RETREG1: variants seen among roughly 807,000 people sequenced by gnomAD.
RETREG1 encodes family with sequence similarity 134 member B.
In RETREG1, 44 loss-of-function variants were observed where a neutral mutation model predicts 54.8. The ratio of observed to expected loss-of-function variants is 0.80; its 90% CI spans 0.63 to 1.03. The LOEUF (loss-of-function observed/expected upper bound fraction) is 1.03, where lower values mean the gene tolerates loss of function less well. Ranked by LOEUF, RETREG1 falls within the 50% of genes least tolerant of loss-of-function variation. The probability of loss-of-function intolerance (pLI) is 0.00; values close to 1 mark genes in which losing one functional copy is unlikely to be tolerated. For missense variants in RETREG1, 554 were observed against 605.1 expected, an observed-to-expected ratio of 0.92 and a Z score of 0.89; for synonymous variants, 217 against 238.5, an observed-to-expected ratio of 0.91 and a Z score of 0.83.
chr5:16,553,451 GT>G (rs1579677565), intron 3 of RETREG1, among the ~76,000 whole-genome samples: 1 of 151,558 alleles, frequency 6.6e-6, no homozygotes, highest in African/African-American at 2.4e-5. Flanking sequence ...TTCATACTTG[GT>G]TTAAATATAT....
chr5:16,582,763 C>T lies in RETREG1; in HGVS notation c.321-10661G>A, dbSNP rs140315720. ...TTTCCTATCAAATTCCAGGCTTTGA[C>T]GAATATCAAAATTAGTCTGCACTGG... On this transcript the variant is annotated intron_variant, in intron 1 of 8. Coordinates refer to ENST00000306320, the MANE Select transcript of RETREG1 (RefSeq NM_001034850.3). 1.1e-4 allele frequency among the ~76,000 whole-genome samples: 17 copies of T among 152,196 alleles called. No homozygotes were observed. The East Asian group carries it at 2.9e-3, about 26-fold the overall frequency.
intron 1 of RETREG1, among the ~76,000 whole-genome samples, chr5:16,601,436 G>A (rs573050023): frequency 2.4e-4 from 35 of 148,282 alleles, no homozygotes; most frequent in Admixed American, 2.0e-3. Context: ...TTGCTGTGTC[G>A]CCCAGGCTGG....
At position 16,528,545 on chromosome 5, in the gene RETREG1, C is replaced by T. The variant is rs560943704; in HGVS notation, c.458+37218G>A. 1.1e-4 allele frequency among the ~76,000 whole-genome samples: 17 copies of T among 152,152 alleles called. No homozygotes were observed. The South Asian group carries it at 1.9e-3, about 17-fold the overall frequency. ...CAGGAGCAAAAGAAAGATTAGGGGG[C>T]CAAGGAGGAGTGAGACCTGTCCCAG... On this transcript the variant is annotated intron_variant, in intron 3 of 8. Transcript: ENST00000306320.
At chr5:16,521,539 C>T (rs1561102511) in intron 3 of RETREG1, among the ~76,000 whole-genome samples, 1 of 152,198 alleles carries the variant, frequency 6.6e-6, no homozygotes, top group Non-Finnish European at 1.5e-5. Flanking sequence ...TGGCTCAAGT[C>T]TCACTGCTCT....
chr5:16,533,700 A>G (rs1740978844), intron 3 of RETREG1, among the ~76,000 whole-genome samples: 1 of 152,166 alleles, frequency 6.6e-6, no homozygotes, highest in Non-Finnish European at 1.5e-5. Flanking sequence ...CAAGCAGAAA[A>G]GGAATTCACA....
chr5:16,494,341 A>T (rs1739365348), intron 3 of RETREG1, among the ~76,000 whole-genome samples: 1 of 152,204 alleles, frequency 6.6e-6, no homozygotes, highest in African/African-American at 2.4e-5. Flanking sequence ...TAGAAAGTTA[A>T]TGACATGGTT....
At position 16,550,142 on chromosome 5, in the gene RETREG1, C is replaced by A. The variant is rs530129676; in HGVS notation, c.458+15621G>T. 2.6e-3 allele frequency among the ~76,000 whole-genome samples: 394 copies of A among 152,176 alleles called. 1 individual carries two copies. The highest frequency in any genetic ancestry group is 9.3e-3 in the African/African-American group (385 of 41,510). ...AGCACGTGAGTAATAATGCAATACA[C>A]CCCAGTGAGGATACTACACCATGAC... On this transcript the variant is annotated intron_variant, in intron 3 of 8. Coordinates refer to ENST00000306320, the MANE Select transcript of RETREG1 (RefSeq NM_001034850.3).
chr5:16,529,647 T>C (rs1326433720), intron 3 of RETREG1, among the ~76,000 whole-genome samples: 1 of 151,086 alleles, frequency 6.6e-6, no homozygotes, highest in Non-Finnish European at 1.5e-5. Flanking sequence ...CACACCGGGG[T>C]GACTTTGCGT....
chr5:16,518,916 G>A (rs540875616), intron 3 of RETREG1, among the ~76,000 whole-genome samples: 2 of 152,130 alleles, frequency 1.3e-5, no homozygotes, highest in African/African-American at 2.4e-5. Context: ...TTTGTTGCCC[G>A]TGAAAATTCA....
At chr5:16,605,754 C>T (rs1206350399) in intron 1 of RETREG1, among the ~76,000 whole-genome samples, 2 of 152,342 alleles carry the variant, frequency 1.3e-5, no homozygotes, top group African/African-American at 2.4e-5. Flanking sequence ...GGCTCACTCT[C>T]TGCTTTGCAG....
At chr5:16,478,524 C>T (rs953376597) in intron 6 of RETREG1, among the ~76,000 whole-genome samples, 5 of 152,098 alleles carry the variant, frequency 3.3e-5, no homozygotes, top group African/African-American at 9.7e-5. Flanking sequence ...ATTATATTGG[C>T]TTTTCCTGTA....
In RETREG1 at chr5:16,479,290, A is replaced by G. The variant is rs969253414; in HGVS notation, c.671-303T>C. Among the ~76,000 whole-genome samples, 35 of 152,202 alleles carry G rather than the reference A, an allele frequency of 2.3e-4. 1 individual carries two copies. Among genetic ancestry groups the G allele is most frequent in the African/African-American group, 8.2e-4 (34 of 41,528 alleles). On this transcript the variant is annotated intron_variant, in intron 5 of 8. Coordinates refer to ENST00000306320, the MANE Select transcript of RETREG1 (RefSeq NM_001034850.3). ...CACACACATGCATACCCACACTTACACAATGCTCACAGTCATTGTTTCCAG... is the reference window on the plus strand; with the variant it reads ...CACACACATGCATACCCACACTTACGCAATGCTCACAGTCATTGTTTCCAG...
intron 8 of RETREG1, among the ~76,000 whole-genome samples, chr5:16,476,190 T>C (rs1738530363): frequency 6.6e-6 from 1 of 152,112 alleles, no homozygotes; most frequent in African/African-American, 2.4e-5. Flanking sequence ...GGTCATAAAG[T>C]TAGGTAGTGA....
intron 3 of RETREG1, among the ~76,000 whole-genome samples, chr5:16,512,551 C>A (rs936917733): frequency 6.6e-6 from 1 of 151,874 alleles, no homozygotes; most frequent in Non-Finnish European, 1.5e-5. Context: ...TTCTTGACAC[C>A]TTTTTCCCCT....
chr5:16,588,535 C>T (rs949654350), intron 1 of RETREG1, among the ~76,000 whole-genome samples: 21 of 152,192 alleles, frequency 1.4e-4, no homozygotes, highest in African/African-American at 5.1e-4. Flanking sequence ...CCCAAGGTCA[C>T]TCCTGTGTCA....
chr5:16,532,617 T>TTCAC (rs1477571275), intron 3 of RETREG1, among the ~76,000 whole-genome samples: 2 of 152,218 alleles, frequency 1.3e-5, no homozygotes, highest in African/African-American at 2.4e-5. Flanking sequence ...TGAAGAAACT[T>TTCAC]TCACAATTTA....
intron 3 of RETREG1, among the ~76,000 whole-genome samples, chr5:16,513,606 C>T (rs1053835669): frequency 6.6e-6 from 1 of 152,144 alleles, no homozygotes; most frequent in Non-Finnish European, 1.5e-5. Flanking sequence ...TAGAGGAAGC[C>T]CCAAAGCCTC....
At chr5:16,481,256 T>A (rs986873460) in intron 4 of RETREG1, among the ~76,000 whole-genome samples, 163 bp from the exon 5 acceptor site, 1 of 152,126 alleles carries the variant, frequency 6.6e-6, no homozygotes, top group African/African-American at 2.4e-5. Flanking sequence ...AAGGGCTGAC[T>A]AATGACTGCT....
intron 3 of RETREG1, among the ~76,000 whole-genome samples, chr5:16,538,832 G>A (rs1741154554): frequency 6.6e-6 from 1 of 152,036 alleles, no homozygotes; most frequent in African/African-American, 2.4e-5. Flanking sequence ...AGCCTCCCGA[G>A]TGGCTGGGAC....
Sources: allele counts gnomAD v4.1 joint callset (sites outside exome capture counted in the v4.1 genomes callset), GRCh38; gene constraint gnomAD v4.1.1; transcripts MANE v1.5; gene names NCBI Gene and HGNC (gene_info 2026-07-23, HGNC 2026-07-21).